The following TUBGCP2 variants were observed in gnomAD, a reference collection of about 807,000 sequenced individuals.
TUBGCP2 encodes gamma-tubulin complex component 2.
Under a neutral mutation model 92.2 loss-of-function variants are expected in TUBGCP2, and 55 were observed. The observed-to-expected ratio is 0.60, with a 90% CI of 0.48 to 0.75. The LOEUF (loss-of-function observed/expected upper bound fraction) is 0.75. Among genes scored for constraint, TUBGCP2 ranks in the 30% least tolerant of loss-of-function variants. The probability of loss-of-function intolerance (pLI) is 0.00; values close to 1 mark genes in which losing one functional copy is unlikely to be tolerated. For missense variants in TUBGCP2, 1,093 were observed against 1,188.9 expected, an observed-to-expected ratio of 0.92 and a Z score of 1.19; for synonymous variants, 533 against 505.2, an observed-to-expected ratio of 1.06 and a Z score of -0.74.
chr10:133,307,043 G>A (rs1847838851), intron 1 of TUBGCP2, among the ~76,000 whole-genome samples: 1 of 152,200 alleles, frequency 6.6e-6, no homozygotes, highest in South Asian at 2.1e-4. Context: ...GCTACTTAGA[G>A]GGCAAGGGCG....
At chr10:133,305,746 G>T (rs1847799893) in intron 1 of TUBGCP2, among the ~76,000 whole-genome samples, 1 of 152,158 alleles carries the variant, frequency 6.6e-6, no homozygotes, top group South Asian at 2.1e-4. Context: ...CACAGGCAGG[G>T]TATCTCCGAA....
At chr10:133,294,246 C>G (rs528355867) in intron 5 of TUBGCP2, among the ~76,000 whole-genome samples, 9 of 152,248 alleles carry the variant, frequency 5.9e-5, no homozygotes, top group Non-Finnish European at 1.2e-4. Context: ...AGCTTCCTCA[C>G]GAGGACGGCC....
upstream of TUBGCP2, chr10:133,309,403 A>G: frequency 6.2e-7 from 1 of 1,612,022 alleles, no homozygotes; most frequent in Non-Finnish European, 8.5e-7. Context: ...GGGGACGTGC[A>G]GCGCCACCTC....
intron 2 of TUBGCP2, chr10:133,302,508 C>T (rs1032789350): frequency 7.5e-6 from 3 of 398,896 alleles, no homozygotes; most frequent in Non-Finnish European, 1.4e-5. Flanking sequence ...AGGGGCGGTG[C>T]TCATCATGCA....
In TUBGCP2 at chr10:133,281,323, GC is replaced by G; in HGVS notation, c.2522del (p.Ser841ThrfsTer67). ...AHLLDLLARL[S>X]IYSTSDCEHG... ...GCTCACAGTCACTGGTGCTATAGAT[GC>G]TCAGCCGGGCCAGGAGGTCCAGCAG... On this transcript the variant is annotated frameshift_variant, in exon 17 of 18. Transcript: ENST00000252936. LOFTEE classifies it high-confidence loss of function. 5 of 1,613,374 alleles carry G rather than the reference GC, an allele frequency of 3.1e-6. No homozygotes were observed. The highest frequency in any genetic ancestry group is 4.2e-6 in the Non-Finnish European group (5 of 1,179,994).
upstream of TUBGCP2, chr10:133,309,711 T>C: frequency 6.3e-7 from 1 of 1,578,304 alleles, no homozygotes. Context: ...AGGGAAACTG[T>C]GCAGAAAGTC....
chr10:133,299,176 G>A (rs1288598196), intron 4 of TUBGCP2, among the ~76,000 whole-genome samples: 1 of 152,130 alleles, frequency 6.6e-6, no homozygotes, highest in Non-Finnish European at 1.5e-5. Flanking sequence ...CTCCCACGTG[G>A]GTCAGAACCT....
chr10:133,308,809 C>A lies in TUBGCP2; in HGVS notation c.-40+14G>T. 3 of 695,110 alleles carry A rather than the reference C, an allele frequency of 4.3e-6. No individual in the cohort carries two copies. The highest frequency in any genetic ancestry group is 1.9e-5 in the African/African-American group (1 of 53,348). 43.1% of individuals were successfully genotyped at this position (695,110 alleles called of 1,614,324 possible). On this transcript the variant is annotated intron_variant, in intron 1 of 17. Transcript: ENST00000252936. Reference sequence around the variant, plus strand: ...CCCTCATCACGCCCGCGCCCGCGTTCGGCCAGGACTCACCGCAGTCCCGGA... The same window carrying A: ...CCCTCATCACGCCCGCGCCCGCGTTAGGCCAGGACTCACCGCAGTCCCGGA...
At chr10:133,303,864 CAT>C (rs1263469377) in intron 1 of TUBGCP2, among the ~76,000 whole-genome samples, 1 of 152,230 alleles carries the variant, frequency 6.6e-6, no homozygotes, top group Non-Finnish European at 1.5e-5. Flanking sequence ...ACATATAACA[CAT>C]ATGAGATCGA....
upstream of TUBGCP2, chr10:133,312,192 A>C: frequency 7.1e-7 from 1 of 1,412,208 alleles, no homozygotes; most frequent in Middle Eastern, 2.6e-4. Flanking sequence ...TTCTAGCGTC[A>C]CCTGTGCCGT....
At position 133,302,829 on chromosome 10, in the gene TUBGCP2, G is replaced by A. The variant is rs1847705437; in HGVS notation, c.113C>T (p.Pro38Leu). 10 of 1,613,392 alleles carry A rather than the reference G, an allele frequency of 6.2e-6. No individual in the cohort carries two copies. Among genetic ancestry groups the A allele is most frequent in the African/African-American group, 1.3e-5 (1 of 75,028 alleles). ...YIDLLQKNRT[P>L]YVTTTVSAHS... ...AGCAGAGACAGTGGTAGTGACGTAC[G>A]GGGTCCTGTTCTTTTGAAGCAGGTC... Residue 38 changes from proline (P) to leucine (L), a missense_variant, in exon 2 of 18, where the codon CCG becomes CTG. By Grantham distance (98) the Pro-to-Leu change is moderately conservative. Around this residue, in one of 3 missense-constraint regions of TUBGCP2, gnomAD observed 490 missense variants for 488.5 expected, o/e 1.00. Coordinates refer to ENST00000252936, the MANE Select transcript of TUBGCP2 (RefSeq NM_006659.4).
rs555298585 is a variant in TUBGCP2, at chr10:133,290,265, T to C, written c.1215-296A>G. On this transcript the variant is annotated intron_variant, in intron 8 of 17. Coordinates refer to ENST00000252936, the MANE Select transcript of TUBGCP2 (RefSeq NM_006659.4). Reference sequence around the variant, plus strand: ...ACCCCAGCACTTTGGGAGGCTGAGGTGGGCAGATCACGAAGTCAAGAGATC... The same window carrying C: ...ACCCCAGCACTTTGGGAGGCTGAGGCGGGCAGATCACGAAGTCAAGAGATC... 45 of 320,366 alleles carry C rather than the reference T, an allele frequency of 1.4e-4. No individual in the cohort carries two copies. The South Asian group carries it at 1.6e-3, about 11-fold the overall frequency. 19.8% of individuals were successfully genotyped at this position (320,366 alleles called of 1,614,324 possible).
At chr10:133,309,141 G>T, upstream of TUBGCP2, 3 of 1,384,772 alleles carry the variant, frequency 2.2e-6, no homozygotes, top group Non-Finnish European at 2.8e-6. Flanking sequence ...GATCCAGTGG[G>T]GCCTACGGCG....
Position 133,293,074 on chromosome 10 carries a change from G to A in TUBGCP2, c.989C>T (p.Pro330Leu). 1 of 1,613,652 alleles carries A rather than the reference G, an allele frequency of 6.2e-7. No homozygotes were observed. Residue 330 changes from proline to leucine, a missense_variant, in exon 7 of 18, where the codon CCA (proline) becomes CTA (leucine). Physicochemically the swap from Pro to Leu is moderately conservative, Grantham distance 98 (BLOSUM62 -3). This residue lies in a region of TUBGCP2 where 490 missense variants were observed against 488.5 expected (regional missense o/e 1.00). Coordinates refer to ENST00000252936, the MANE Select transcript of TUBGCP2 (RefSeq NM_006659.4). ...CAGGATGTCCATGGTGCGCATGGCTGGCTGGATGTAGAACCAGAGCTTCTG... is the reference window on the plus strand; with the variant it reads ...CAGGATGTCCATGGTGCGCATGGCTAGCTGGATGTAGAACCAGAGCTTCTG... ...SLQKLWFYIQ[P>L]AMRTMDILAS...
chr10:133,289,980 A>AG lies in TUBGCP2; in HGVS notation c.1215-12dup. The AG allele has an allele frequency of 6.2e-7, 1 of 1,611,008 alleles. No individual in the cohort carries two copies. Among genetic ancestry groups the AG allele is most frequent in the Non-Finnish European group, 8.5e-7 (1 of 1,177,404 alleles). ...TCGACCATAAACTCACTAAAACCAC[A>AG]GGGAGCGCTTCGGTCACAGGCAAAG... On this transcript the variant is annotated splice_polypyrimidine_tract_variant and intron_variant, in intron 8 of 17. Transcript: ENST00000252936.
intron 13 of TUBGCP2, 48 bp from the exon 14 acceptor site, chr10:133,284,050 A>G (rs1321284960): frequency 6.3e-7 from 1 of 1,597,800 alleles, no homozygotes; most frequent in Non-Finnish European, 8.5e-7. Context: ...CGCGGCCCCG[A>G]CAGCGCCCAC....
rs757944777 is a variant in TUBGCP2 at position 133,289,903 on chromosome 10, G to A, written c.1281C>T (p.Tyr427=). Residue 427 remains tyrosine, a synonymous_variant, in exon 9 of 18, where the codon TAC becomes TAT. Coordinates refer to ENST00000252936, the MANE Select transcript of TUBGCP2 (RefSeq NM_006659.4). ...GGACGATGGTGTACCGCTGGTCCCA[G>A]TACTTGTCGTTGTAATCCTCCTGGA... The part of the protein sequence containing the change: ...ERIQEDYNDK[Y]WDQRYTIVQQ... 6.2e-7 allele frequency: 1 copy of A among 1,600,804 alleles called. No homozygotes were observed. The highest frequency in any genetic ancestry group is 1.1e-5 in the South Asian group (1 of 89,922).
chr10:133,312,061 G>C, upstream of TUBGCP2: 1 of 1,476,706 alleles, frequency 6.8e-7, no homozygotes, highest in Non-Finnish European at 9.0e-7. Flanking sequence ...TGAAGCGCAG[G>C]AATGCCAAGC....
Position 133,285,417 on chromosome 10 carries a change from A to T in TUBGCP2, c.1895+39T>A, listed in dbSNP as rs1160522293. On this transcript the variant is annotated intron_variant, in intron 12 of 17. Transcript: ENST00000252936. This position sits in a 1 kb window ranked among gnomAD's most constrained non-coding sequence, Gnocchi z 6.8. ...ACAGTTCTCGCTTCTGCCAAACCTG[A>T]GTGAAGATCTGGCAGGTGCCCGAGC... 1 of 1,612,510 alleles carries T rather than the reference A, an allele frequency of 6.2e-7. No homozygotes were observed. The highest frequency in any genetic ancestry group is 8.5e-7 in the Non-Finnish European group (1 of 1,179,658).
Sources: gnomAD v4.1 joint callset for allele counts (sites outside exome capture counted in the v4.1 genomes callset) on GRCh38, gnomAD v4.1.1 for gene constraint, gnomAD v4.1.1 regional missense constraint, Gnocchi (gnomAD v3.1) non-coding constraint, MANE v1.5 for transcripts, NCBI Gene and HGNC (gene_info 2026-07-23, HGNC 2026-07-21) for gene names.